The following XIRP2 variants were observed in gnomAD, a reference collection of about 807,000 sequenced individuals.
XIRP2 encodes xin actin-binding repeat-containing protein 2.
In XIRP2, 236 loss-of-function variants were observed where a neutral mutation model predicts 277.0. The ratio of observed to expected loss-of-function variants is 0.85; its 90% CI spans 0.77 to 0.95. The LOEUF (loss-of-function observed/expected upper bound fraction) is 0.95. Among genes scored for constraint, XIRP2 ranks in the 40% least tolerant of loss-of-function variants. The probability of loss-of-function intolerance (pLI) is 0.00; values close to 1 mark genes in which losing one functional copy is unlikely to be tolerated. For synonymous variants in XIRP2, 1,490 were observed against 1,416.5 expected (o/e 1.05, Z -1.17); for missense variants, 4,640 against 4,157.5 (o/e 1.12, Z -3.19).
At chr2:167,140,119 A>C (rs1691668306) in intron 3 of XIRP2, among the ~76,000 whole-genome samples, 1 of 152,246 alleles carries the variant, frequency 6.6e-6, no homozygotes, top group South Asian at 2.1e-4. Flanking sequence ...TTCGAGAACT[A>C]GGGATGATCT....
At chr2:166,925,451 TTATGA>T (rs1685153802) in intron 2 of XIRP2, among the ~76,000 whole-genome samples, 2 of 151,708 alleles carry the variant, frequency 1.3e-5, no homozygotes, top group Non-Finnish European at 1.5e-5. Flanking sequence ...TTCTCATCTA[TTATGA>T]TATAATAGTT....
chr2:167,252,262 G>T (rs1695533854), intron 9 of XIRP2, among the ~76,000 whole-genome samples: 1 of 151,912 alleles, frequency 6.6e-6, no homozygotes, highest in South Asian at 2.1e-4. Context: ...TTTATTTCAT[G>T]CAATTATTCT....
At position 167,246,419 on chromosome 2, in the gene XIRP2, G is replaced by GC. The variant is rs1559040853; in HGVS notation, c.5028dup (p.Ile1677HisfsTer7). The GC allele has an allele frequency of 6.2e-7, 1 of 1,613,494 alleles. No homozygotes were observed. Among genetic ancestry groups the GC allele is most frequent in the African/African-American group, 1.3e-5 (1 of 74,886 alleles). ...TCTGAGGAAAGATCTGTAAAGAAAG[G>GC]CATCTTAATTCAGGAAGATGAAAAA... On this transcript the variant is annotated frameshift_variant, in exon 9 of 11. Coordinates refer to ENST00000409195, the MANE Select transcript of XIRP2 (RefSeq NM_152381.6). LOFTEE classifies it high-confidence loss of function.
In XIRP2 at chr2:166,914,429, C is replaced by G. The variant is rs560910861; in HGVS notation, c.408+10539C>G. On this transcript the variant is annotated intron_variant, in intron 2 of 10. Coordinates refer to ENST00000409195, the MANE Select transcript of XIRP2 (RefSeq NM_152381.6). ...GATCTCGGCTCACTGCAAGCTCTGCCTCCCAGGTTTACGCCATTCTCCTGT... is the reference window on the plus strand; with the variant it reads ...GATCTCGGCTCACTGCAAGCTCTGCGTCCCAGGTTTACGCCATTCTCCTGT... 3.3e-5 allele frequency among the ~76,000 whole-genome samples: 5 copies of G among 152,272 alleles called. No homozygotes were observed. In the South Asian group the frequency reaches 1.0e-3, roughly 32 times the overall value.
Position 167,258,023 on chromosome 2 carries a change from G to T in XIRP2, c.*206G>T. On this transcript the variant is annotated 3_prime_UTR_variant, in exon 11 of 11. Transcript: ENST00000409195. ...ATCAGTGGACTTTATTCCTAATGAA[G>T]AACCAAATATGTGTAAAAATATTGC... The T allele has an allele frequency of 6.2e-7, 1 of 1,613,072 alleles. No homozygotes were observed.
intron 2 of XIRP2, among the ~76,000 whole-genome samples, chr2:167,106,363 G>A (rs1050933438): frequency 1.3e-5 from 2 of 151,662 alleles, no homozygotes; most frequent in Admixed American, 6.6e-5. Flanking sequence ...TTTAACTAGA[G>A]TTTGTTTGTT....
At position 166,963,690 on chromosome 2, in the gene XIRP2, CAGAA is replaced by C. The variant is rs367736340; in HGVS notation, c.408+59805_408+59808del. On this transcript the variant is annotated intron_variant, in intron 2 of 10. Transcript: ENST00000409195. Reference sequence around the variant, plus strand: ...ATGTGAGATGGATTCAGGAACCTCTCAGAAAGAAGACCAGCATAGCTGAAGCAGA... The same window carrying C: ...ATGTGAGATGGATTCAGGAACCTCTCAGAAGACCAGCATAGCTGAAGCAGA... Among the ~76,000 whole-genome samples, 103 of 151,818 alleles carry C rather than the reference CAGAA, an allele frequency of 6.8e-4. 1 individual carries two copies. Among genetic ancestry groups the C allele is most frequent in the African/African-American group, 2.4e-3 (101 of 41,492 alleles).
At chr2:166,939,273 T>A (rs1055236246) in intron 2 of XIRP2, among the ~76,000 whole-genome samples, 1 of 152,160 alleles carries the variant, frequency 6.6e-6, no homozygotes, top group Admixed American at 6.5e-5. Context: ...AGGAGCTCTT[T>A]TAGGGCAGGC....
intron 2 of XIRP2, among the ~76,000 whole-genome samples, chr2:167,031,450 T>G (rs1035253467): frequency 6.6e-6 from 1 of 152,170 alleles, no homozygotes; most frequent in Non-Finnish European, 1.5e-5. Context: ...CCTTCACTTA[T>G]GAAGCTTAGT....
intron 2 of XIRP2, among the ~76,000 whole-genome samples, chr2:167,115,471 G>A (rs1338282271): frequency 1.3e-5 from 2 of 152,144 alleles, no homozygotes; most frequent in Non-Finnish European, 2.9e-5. Flanking sequence ...TTTCTCATTT[G>A]TGTGGGCTGA....
intron 3 of XIRP2, among the ~76,000 whole-genome samples, chr2:167,182,524 C>T (rs776767575): frequency 3.3e-5 from 5 of 152,236 alleles, no homozygotes; most frequent in Admixed American, 2.0e-4. Flanking sequence ...TATCACCCAA[C>T]GTAGTGCTTG....
intron 9 of XIRP2, among the ~76,000 whole-genome samples, 165 bp downstream of exon 9, chr2:167,252,112 T>A (rs1695529435): frequency 6.6e-6 from 1 of 152,020 alleles, no homozygotes; most frequent in Middle Eastern, 3.2e-3. Flanking sequence ...ATGCTTGCTT[T>A]TACAACATTC....
chr2:167,086,167 G>C (rs570544235), intron 2 of XIRP2, among the ~76,000 whole-genome samples: 1 of 152,010 alleles, frequency 6.6e-6, no homozygotes, highest in African/African-American at 2.4e-5. Flanking sequence ...GCATTTGCTT[G>C]TCTGTAAAGT....
intron 2 of XIRP2, among the ~76,000 whole-genome samples, chr2:166,906,166 C>A (rs990710606): frequency 9.2e-5 from 14 of 151,818 alleles, no homozygotes; most frequent in Non-Finnish European, 1.6e-4. Context: ...TAAGGAAAAT[C>A]TTTTGTAACT....
chr2:167,040,019 G>A (rs1022323834), intron 2 of XIRP2, among the ~76,000 whole-genome samples: 6 of 151,880 alleles, frequency 4.0e-5, no homozygotes, highest in African/African-American at 7.3e-5. Flanking sequence ...TACAAAATAC[G>A]GTTTGTTCTA....
chr2:166,925,710 A>G lies in XIRP2; in HGVS notation c.408+21820A>G, dbSNP rs550717015. 6.0e-5 allele frequency among the ~76,000 whole-genome samples: 9 copies of G among 150,342 alleles called. No homozygotes were observed. The East Asian group carries it at 1.8e-3, about 30-fold the overall frequency. On this transcript the variant is annotated intron_variant, in intron 2 of 10. Transcript: ENST00000409195. ...TATCACAATTTATCTTAGTGTTCCC[A>G]CTCCTAATCAGGGTGATAGGCACAG...
At chr2:167,101,872 A>G (rs1037701775) in intron 2 of XIRP2, among the ~76,000 whole-genome samples, 13 of 152,204 alleles carry the variant, frequency 8.5e-5, no homozygotes, top group Non-Finnish European at 1.9e-4. Flanking sequence ...ATATTAATAT[A>G]TAGGATATTT....
At chr2:167,208,428 C>T (rs531645745) in intron 3 of XIRP2, among the ~76,000 whole-genome samples, 55 of 152,302 alleles carry the variant, frequency 3.6e-4, no homozygotes, top group African/African-American at 1.3e-3. Context: ...CTGCCTCAGC[C>T]TCCCGAGTAG....
Position 167,093,950 on chromosome 2 carries a change from C to T in XIRP2, c.409-41959C>T, listed in dbSNP as rs1309659539. ...TCCCACCAACCGTGTAAAAGCATTC[C>T]TATTTCTCCACATCCTCTCCAGCAT... On this transcript the variant is annotated intron_variant, in intron 2 of 10. Transcript: ENST00000409195. 3.9e-5 allele frequency among the ~76,000 whole-genome samples: 6 copies of T among 152,236 alleles called. 1 individual carries two copies. In the South Asian group the frequency reaches 1.0e-3, roughly 26 times the overall value.
Sources: allele counts gnomAD v4.1 joint callset (sites outside exome capture counted in the v4.1 genomes callset), GRCh38; gene constraint gnomAD v4.1.1; transcripts MANE v1.5; gene names NCBI Gene and HGNC (gene_info 2026-07-23, HGNC 2026-07-21).